The following UNC13C variants were observed in gnomAD, a reference collection of about 807,000 sequenced individuals.
UNC13C encodes the protein unc-13 homolog C.
A neutral mutation model predicts 245.4 loss-of-function variants in UNC13C; 174 were observed. The observed-to-expected ratio is 0.71, with a 90% confidence interval of 0.63 to 0.80. The LOEUF (loss-of-function observed/expected upper bound fraction) is 0.80, where lower values mean the gene tolerates loss of function less well. UNC13C is among the 30% of genes least tolerant of loss of function. UNC13C has a pLI of 0.00. For missense variants in UNC13C, 2,829 were observed against 2,602.9 expected (o/e 1.09, Z -1.89); for synonymous variants, 992 against 895.1 (o/e 1.11, Z -1.93).
intron 13 of UNC13C, among the ~76,000 whole-genome samples, chr15:54,316,356 C>A (rs370275302): frequency 6.6e-6 from 1 of 151,884 alleles, no homozygotes; most frequent in South Asian, 2.1e-4. Context: ...TGTACTTTTC[C>A]ATTCCTCTGG....
chr15:54,070,768 T>C (rs1898285244), intron 2 of UNC13C, among the ~76,000 whole-genome samples: 1 of 152,106 alleles, frequency 6.6e-6, no homozygotes. Flanking sequence ...CATGTGGCCT[T>C]GTGGATATTT....
At chr15:54,302,121 A>T (rs1006110136) in intron 13 of UNC13C, among the ~76,000 whole-genome samples, 3 of 152,064 alleles carry the variant, frequency 2.0e-5, no homozygotes, top group African/African-American at 7.2e-5. Flanking sequence ...TCCTTTGCCC[A>T]CTTTGTAATG....
At chr15:54,600,213 T>TGAGTCCA in intron 30 of UNC13C, among the ~76,000 whole-genome samples, 1 of 152,076 alleles carries the variant, frequency 6.6e-6, no homozygotes, top group South Asian at 2.1e-4. Context: ...TGTCAGAACG[T>TGAGTCCA]GGTAGGCCCT....
the UNC13C span, among the ~76,000 whole-genome samples, chr15:53,905,726 G>A: frequency 6.6e-6 from 1 of 151,890 alleles, no homozygotes; most frequent in Admixed American, 6.6e-5. Flanking sequence ...ATAGCTTACT[G>A]CATTCTACAC....
rs755351420 is a variant in UNC13C at position 54,494,611 on chromosome 15, A to G, written c.4937A>G (p.His1646Arg). 2 of 1,607,146 alleles carry G rather than the reference A, an allele frequency of 1.2e-6. No homozygotes were observed. The highest frequency in any genetic ancestry group is 1.1e-5 in the South Asian group (1 of 89,348). ...TATTTAATTTTATCTGTTATAGAAC[A>G]TGAAAATCAGCGGTTATGCAAGAGC... ...ALDMKYALEE[H>R]ENQRLCKSTD... The change falls in exon 20 of 33, where the codon CAT becomes CGT. Residue 1646 changes from histidine (H) to arginine (R), a missense_variant. Physicochemically the swap from His to Arg is conservative, Grantham distance 29. Coordinates refer to ENST00000260323, the MANE Select transcript of UNC13C (RefSeq NM_001080534.3).
intron 20 of UNC13C, among the ~76,000 whole-genome samples, chr15:54,495,963 T>C (rs1020418254): frequency 3.9e-5 from 6 of 151,952 alleles, no homozygotes; most frequent in African/African-American, 7.2e-5. Context: ...AGATACAACA[T>C]TTTAGTTAAG....
intron 10 of UNC13C, among the ~76,000 whole-genome samples, chr15:54,287,651 A>G (rs2037183570): frequency 6.6e-6 from 1 of 152,168 alleles, no homozygotes; most frequent in African/African-American, 2.4e-5. Flanking sequence ...GGGAGAAAAA[A>G]GAGGAGACAG....
At chr15:54,488,911 T>C (rs1029398529) in intron 19 of UNC13C, among the ~76,000 whole-genome samples, 6 of 152,178 alleles carry the variant, frequency 3.9e-5, no homozygotes, top group African/African-American at 9.6e-5. Context: ...GATGGCTAAA[T>C]AAATTCTAAG....
Position 54,627,775 on chromosome 15 carries a change from A to G in UNC13C, c.*662A>G, listed in dbSNP as rs960290618. 5 of 152,652 alleles carry G rather than the reference A, an allele frequency of 3.3e-5. No homozygotes were observed. 9.5% of individuals were successfully genotyped at this position (152,652 alleles called of 1,614,324 possible). ...ATATATTGACAAAACTTTGTTCTCT[A>G]AAACTGCCAAGATCACATCACATTT... is the stretch of plus-strand genomic sequence containing the variant. On this transcript the variant is annotated 3_prime_UTR_variant, in exon 33 of 33. Transcript: ENST00000260323.
At chr15:54,026,395 C>T (rs1434896158) in intron 2 of UNC13C, among the ~76,000 whole-genome samples, 3 of 152,170 alleles carry the variant, frequency 2.0e-5, no homozygotes, top group African/African-American at 7.2e-5. Flanking sequence ...ATGCTCTTAG[C>T]TACTTGTGCA....
chr15:54,552,873 AT>A (rs1367098505), intron 28 of UNC13C, among the ~76,000 whole-genome samples: 3 of 7,142 alleles, frequency 4.2e-4, no homozygotes, highest in African/African-American at 1.6e-3. Context: ...TATATAATAT[AT>A]ATTGTATTCT....
chr15:54,294,774 C>A (rs1412492454), intron 11 of UNC13C, among the ~76,000 whole-genome samples: 1 of 152,044 alleles, frequency 6.6e-6, no homozygotes, highest in Non-Finnish European at 1.5e-5. Context: ...TTTAATTAAA[C>A]TTTTGAGGGC....
the UNC13C span, among the ~76,000 whole-genome samples, chr15:53,852,929 TTAA>T: frequency 6.6e-6 from 1 of 152,052 alleles, no homozygotes; most frequent in African/African-American, 2.4e-5. Flanking sequence ...TGCTACAGAA[TTAA>T]TAATAAGGGG....
At chr15:54,209,995 T>C (rs2034830731) in intron 4 of UNC13C, among the ~76,000 whole-genome samples, 1 of 151,958 alleles carries the variant, frequency 6.6e-6, no homozygotes. Flanking sequence ...GAATCAATTT[T>C]CTCTAACTAT....
At chr15:54,178,011 G>T (rs2033672791) in intron 4 of UNC13C, among the ~76,000 whole-genome samples, 1 of 151,392 alleles carries the variant, frequency 6.6e-6, no homozygotes, top group African/African-American at 2.4e-5. Context: ...CATTTTTATT[G>T]ATTTTTTATA....
intron 13 of UNC13C, among the ~76,000 whole-genome samples, chr15:54,315,793 C>T (rs781110725): frequency 6.6e-6 from 1 of 151,796 alleles, no homozygotes; most frequent in Non-Finnish European, 1.5e-5. Context: ...GAACCATTCA[C>T]GTAGTCACTC....
chr15:54,090,714 T>A (rs1244512222), intron 2 of UNC13C, among the ~76,000 whole-genome samples: 1 of 152,166 alleles, frequency 6.6e-6, no homozygotes, highest in African/African-American at 2.4e-5. Context: ...GTCAATATCC[T>A]ATAGAGATGG....
chr15:54,578,799 G>C (rs1164243077), intron 30 of UNC13C, among the ~76,000 whole-genome samples: 1 of 152,210 alleles, frequency 6.6e-6, no homozygotes, highest in Non-Finnish European at 1.5e-5. Context: ...GAGGTCAGCA[G>C]TTCGAGACCA....
intron 8 of UNC13C, among the ~76,000 whole-genome samples, chr15:54,258,303 A>G (rs1302619603): frequency 6.6e-6 from 1 of 152,126 alleles, no homozygotes; most frequent in Non-Finnish European, 1.5e-5. Context: ...AGAGTTTTCC[A>G]GTTGTTTCAG....
Sources: allele counts gnomAD v4.1 joint callset (sites outside exome capture counted in the v4.1 genomes callset), GRCh38; gene constraint gnomAD v4.1.1; transcripts MANE v1.5; gene names NCBI Gene and HGNC (gene_info 2026-07-23, HGNC 2026-07-21).